Variants in TYRP1 observed in about 807,000 individuals in gnomAD.
TYRP1 encodes 5,6-dihydroxyindole-2-carboxylic acid oxidase.
A neutral mutation model predicts 42.8 loss-of-function variants in TYRP1; 49 were observed. That is an observed-to-expected ratio of 1.14 (90% CI 0.91 to 1.45). TYRP1 has a LOEUF of 1.45. Ranked by LOEUF, TYRP1 falls within the 40% of genes most tolerant of loss-of-function variation. The probability of loss-of-function intolerance (pLI) is 0.00; values close to 1 mark genes in which losing one functional copy is unlikely to be tolerated. For missense variants in TYRP1, 848 were observed against 662.0 expected, an observed-to-expected ratio of 1.28 and a Z score of -3.08; for synonymous variants, 279 against 235.4, an observed-to-expected ratio of 1.19 and a Z score of -1.69.
Position 12,695,656 on chromosome 9 carries a change from C to A in TYRP1, c.527C>A (p.Thr176Lys). 1 of 1,614,164 alleles carries A rather than the reference C, an allele frequency of 6.2e-7. No individual in the cohort carries two copies. The highest frequency in any genetic ancestry group is 8.5e-7 in the Non-Finnish European group (1 of 1,180,022). The change falls in exon 3 of 8, where the codon ACG becomes AAG. Residue 176 changes from threonine to lysine, a missense_variant. Transcript: ENST00000388918. Reference protein sequence around the residue: ...SEEILGPDGNTPQFENISIYN... With the variant: ...SEEILGPDGNKPQFENISIYN... ...GAAATACTGGGGCCAGATGGCAACA[C>A]GCCACAATTTGAGAACATTTCCATT...
Position 12,704,594 on chromosome 9 carries a change from C to G in TYRP1, c.1150C>G (p.Leu384Val). ...TCTTCACAATTTGGCTCATCTATTC[C>G]TGAATGGAACAGGGGGACAAACCCA... ...RSLHNLAHLFLNGTGGQTHLS... is the reference protein window; with the variant it reads ...RSLHNLAHLFVNGTGGQTHLS... Residue 384 changes from leucine (L) to valine (V), a missense_variant, in exon 6 of 8, where the codon CTG becomes GTG. Physicochemically the swap from Leu to Val is conservative, Grantham distance 32. Coordinates refer to ENST00000388918, the MANE Select transcript of TYRP1 (RefSeq NM_000550.3). 6.2e-7 allele frequency: 1 copy of G among 1,613,128 alleles called. No individual in the cohort carries two copies. Among genetic ancestry groups the G allele is most frequent in the Non-Finnish European group, 8.5e-7 (1 of 1,179,492 alleles).
chr9:12,704,463 A>T, intron 5 of TYRP1, 63 bp from the exon 6 acceptor site: 1 of 1,563,908 alleles, frequency 6.4e-7, no homozygotes, highest in African/African-American at 1.3e-5. Flanking sequence ...AATCATTGCT[A>T]TTACCTGGAA....
intron 6 of TYRP1, among the ~76,000 whole-genome samples, chr9:12,705,214 A>C (rs1818238893): frequency 6.6e-6 from 1 of 152,000 alleles, no homozygotes; most frequent in African/African-American, 2.4e-5. Context: ...AATCTCTTTT[A>C]AGTTCATTTC....
At chr9:12,697,611 T>C (rs1273626852) in intron 3 of TYRP1, among the ~76,000 whole-genome samples, 2 of 152,120 alleles carry the variant, frequency 1.3e-5, no homozygotes, top group Non-Finnish European at 2.9e-5. Context: ...AATCCCTACA[T>C]TTAAATCCCA....
In TYRP1 at chr9:12,709,088, T is replaced by C. The variant is rs773795344; in HGVS notation, c.1520T>C (p.Met507Thr). The C allele has an allele frequency of 1.2e-6, 2 of 1,612,874 alleles. No individual in the cohort carries two copies. Among genetic ancestry groups the C allele is most frequent in the Non-Finnish European group, 8.5e-7 (1 of 1,179,254 alleles). ...ASYLIRARRS[M>T]DEANQPLLTD... is the part of the protein sequence containing the mutation. ...TATCTGATTCGTGCCAGACGCAGTA[T>C]GGATGAAGCTAACCAGCCTCTCCTC... The change falls in exon 8 of 8, where the codon ATG becomes ACG. Residue 507 changes from methionine to threonine, a missense_variant. Coordinates refer to ENST00000388918, the MANE Select transcript of TYRP1 (RefSeq NM_000550.3).
At chr9:12,695,095 T>TAAG (rs1818054936) in intron 2 of TYRP1, among the ~76,000 whole-genome samples, 1 of 152,088 alleles carries the variant, frequency 6.6e-6, no homozygotes, top group Admixed American at 6.6e-5. Flanking sequence ...AAAAAAAAAC[T>TAAG]AAGACTTGGA....
chr9:12,706,879 A>G (rs1818267270), intron 6 of TYRP1, among the ~76,000 whole-genome samples: 2 of 151,964 alleles, frequency 1.3e-5, no homozygotes, highest in Non-Finnish European at 1.5e-5. Context: ...GGTTTTTACA[A>G]ATATAGAAAG....
chr9:12,708,084 CAG>C lies in TYRP1; in HGVS notation c.1351_1352del (p.Glu451AsnfsTer14). 1 of 1,612,800 alleles carries C rather than the reference CAG, an allele frequency of 6.2e-7. No individual in the cohort carries two copies. The highest frequency in any genetic ancestry group is 2.2e-5 in the East Asian group (1 of 44,804). On this transcript the variant is annotated frameshift_variant, in exon 7 of 8. Transcript: ENST00000388918. LOFTEE classifies it high-confidence loss of function. ...CCATTCTGGCCCCCAGTCACCAACA[CAG>C]AAATGTTTGTTACTGCTCCAGACAA... is the stretch of plus-strand genomic sequence containing the variant.
rs948963060 is a variant in TYRP1 at position 12,695,395 on chromosome 9, T to G, written c.386-120T>G. ...GATATTTTTAAAAGTGTAAAATAAT[T>G]TAAAACACATTTGAACAGATGGATA... is the stretch of plus-strand genomic sequence containing the variant. On this transcript the variant is annotated intron_variant, in intron 2 of 7. Coordinates refer to ENST00000388918, the MANE Select transcript of TYRP1 (RefSeq NM_000550.3). 3.3e-6 allele frequency: 3 copies of G among 905,762 alleles called. No individual in the cohort carries two copies. The African/African-American group carries it at 5.1e-5, about 15-fold the overall frequency. 56.1% of individuals were successfully genotyped at this position (905,762 alleles called of 1,614,324 possible). A position where few individuals can be genotyped will look rare whatever the true frequency, so the allele number is the denominator to read the frequency against.
rs1274933434 is a variant in TYRP1, at chr9:12,694,154, C to G, written c.158C>G (p.Thr53Arg). Residue 53 changes from threonine to arginine, a missense_variant, in exon 2 of 8, where the codon ACA becomes AGA. Physicochemically the swap from Thr to Arg is moderately conservative, Grantham distance 71. Coordinates refer to ENST00000388918, the MANE Select transcript of TYRP1 (RefSeq NM_000550.3). ...PDLSPVSGPG[T>R]DRCGSSSGRG... ...CTGTCCCCTGTGTCTGGGCCTGGGA[C>G]AGACCGCTGTGGCTCATCATCAGGG... 1 of 1,613,956 alleles carries G rather than the reference C, an allele frequency of 6.2e-7. No homozygotes were observed. Among genetic ancestry groups the G allele is most frequent in the African/African-American group, 1.3e-5 (1 of 74,892 alleles).
At chr9:12,705,845 T>TTCAA (rs1254484587) in intron 6 of TYRP1, among the ~76,000 whole-genome samples, 3 of 152,000 alleles carry the variant, frequency 2.0e-5, no homozygotes, top group East Asian at 1.9e-4. Context: ...AGAGTTAGTT[T>TTCAA]TCAATCAGTT....
rs758871299 is a variant in TYRP1, at chr9:12,708,054, T to A, written c.1319T>A (p.Met440Lys). 3 of 1,612,780 alleles carry A rather than the reference T, an allele frequency of 1.9e-6. No homozygotes were observed. In the Admixed American group the frequency reaches 5.0e-5, roughly 27 times the overall value. Residue 440 changes from methionine (M) to lysine (K), a missense_variant, in exon 7 of 8, where the codon ATG becomes AAG. Coordinates refer to ENST00000388918, the MANE Select transcript of TYRP1 (RefSeq NM_000550.3). ...APIGHNRQYN[M>K]VPFWPPVTNT... ...ATTGGACATAATAGACAATACAACA[T>A]GGTGCCATTCTGGCCCCCAGTCACC...
chr9:12,696,826 A>G (rs1378094678), intron 3 of TYRP1, among the ~76,000 whole-genome samples: 1 of 152,224 alleles, frequency 6.6e-6, no homozygotes, highest in Non-Finnish European at 1.5e-5. Context: ...GTGAAATAAC[A>G]GCAATGAATC....
chr9:12,705,488 C>T (rs571769404), intron 6 of TYRP1, among the ~76,000 whole-genome samples: 1 of 152,130 alleles, frequency 6.6e-6, no homozygotes, highest in Admixed American at 6.6e-5. Flanking sequence ...TGTGCAATAA[C>T]GTCCTCTAAT....
chr9:12,701,510 A>C (rs1475860767), intron 4 of TYRP1: 1 of 151,958 alleles, frequency 6.6e-6, no homozygotes, highest in Non-Finnish European at 1.5e-5. Context: ...TCCTCTGCCT[A>C]AAATGTTTGT....
chr9:12,706,258 G>GTGTT (rs1300236954), intron 6 of TYRP1, among the ~76,000 whole-genome samples: 6 of 151,974 alleles, frequency 3.9e-5, no homozygotes, highest in Non-Finnish European at 7.4e-5. Flanking sequence ...AATGCCGTGG[G>GTGTT]TGTTAGTAAA....
chr9:12,695,164 T>G (rs1443626304), intron 2 of TYRP1, among the ~76,000 whole-genome samples: 2 of 152,184 alleles, frequency 1.3e-5, no homozygotes, highest in African/African-American at 4.8e-5. Context: ...TTATATCACC[T>G]AATTTTCAAA....
intron 2 of TYRP1, among the ~76,000 whole-genome samples, chr9:12,694,676 G>A (rs188770834): frequency 1.4e-4 from 21 of 152,212 alleles, no homozygotes; most frequent in Admixed American, 3.9e-4. Context: ...ACTCCTTCAG[G>A]TAAACATGTT....
chr9:12,695,883 G>A (rs372420027), intron 3 of TYRP1, 46 bp downstream of exon 3: 47 of 1,574,860 alleles, frequency 3.0e-5, no homozygotes, highest in Admixed American at 1.8e-4. Context: ...CAGACAAGAT[G>A]CCTTGTTTGT....
Sources: allele counts gnomAD v4.1 joint callset (sites outside exome capture counted in the v4.1 genomes callset), GRCh38; gene constraint gnomAD v4.1.1; transcripts MANE v1.5; gene names NCBI Gene and HGNC (gene_info 2026-07-23, HGNC 2026-07-21).